FGF13: variants seen among roughly 807,000 people sequenced by gnomAD.
FGF13 encodes fibroblast growth factor homologous factor 2.
Under a neutral mutation model 19.5 loss-of-function variants are expected in FGF13, and 2 were observed. The observed-to-expected ratio is 0.10, with a 90% CI of 0.04 to 0.32. FGF13 has a LOEUF of 0.32. FGF13 is among the 10% of genes least tolerant of loss of function. The pLI is 1.00. For synonymous variants in FGF13, 72 were observed against 76.9 expected, an observed-to-expected ratio of 0.94 and a Z score of 0.33; for missense variants, 113 against 192.7, an observed-to-expected ratio of 0.59 and a Z score of 2.45.
intron 1 of FGF13, among the ~76,000 whole-genome samples, chrX:138,960,880 T>C (rs1022200403): frequency 1.8e-5 from 2 of 111,977 alleles, no homozygotes; most frequent in Middle Eastern, 9.2e-3. Flanking sequence ...AGGTCTTCTC[T>C]ATGCTGTTTA....
chrX:138,851,048 G>A (rs760185955), intron 3 of FGF13, among the ~76,000 whole-genome samples: 38 of 111,556 alleles, frequency 3.4e-4, no homozygotes, highest in African/African-American at 1.2e-3. Context: ...ATCCATCCAT[G>A]TCCCTGCAAA....
At chrX:139,088,216 G>A (rs1313127419) in intron 1 of FGF13, among the ~76,000 whole-genome samples, 1 of 111,925 alleles carries the variant, frequency 8.9e-6, no homozygotes, top group Non-Finnish European at 1.9e-5. Flanking sequence ...CCCAGCCTCT[G>A]GGGGTTTACC....
rs181694950 is a variant in FGF13 at position 138,837,445 on chromosome X, A to G, written c.217+20067T>C. Reference sequence around the variant, plus strand: ...GGGTTGGGGACCCACTTTAAAAAGCAGTCTGACCACATTTTCGTGGGTCTA... The same window carrying G: ...GGGTTGGGGACCCACTTTAAAAAGCGGTCTGACCACATTTTCGTGGGTCTA... On this transcript the variant is annotated intron_variant, in intron 3 of 6. Transcript: ENST00000436198. 6.1e-3 allele frequency among the ~76,000 whole-genome samples: 681 copies of G among 111,894 alleles called. 4 individuals carry two copies. Among genetic ancestry groups the G allele is most frequent in the Admixed American group, 0.027 (291 of 10,606 alleles).
At chrX:139,160,012 T>G (rs1390323913) in intron 1 of FGF13, among the ~76,000 whole-genome samples, 1 of 111,622 alleles carries the variant, frequency 9.0e-6, no homozygotes, top group African/African-American at 3.3e-5. Flanking sequence ...TACAGAACTC[T>G]CCACCCCAAA....
At chrX:139,089,312 G>C (rs748004895) in intron 1 of FGF13, among the ~76,000 whole-genome samples, 1 of 112,013 alleles carries the variant, frequency 8.9e-6, no homozygotes, top group East Asian at 2.8e-4. Flanking sequence ...GAAACTCCTG[G>C]ACTGCATACA....
At chrX:138,806,135 G>A (rs1463191702) in intron 3 of FGF13, among the ~76,000 whole-genome samples, 1 of 111,616 alleles carries the variant, frequency 9.0e-6, no homozygotes, top group Non-Finnish European at 1.9e-5. Flanking sequence ...AGTCATTTTT[G>A]TTGTTAACTT....
At chrX:138,998,217 C>T (rs1425843771) in intron 1 of FGF13, among the ~76,000 whole-genome samples, 2 of 111,601 alleles carry the variant, frequency 1.8e-5, no homozygotes, top group Non-Finnish European at 3.8e-5. Context: ...CAGTACCAGC[C>T]ACTGCAAAAA....
At chrX:139,000,908 G>A (rs1380709669) in intron 1 of FGF13, among the ~76,000 whole-genome samples, 1 of 111,806 alleles carries the variant, frequency 8.9e-6, no homozygotes, top group Non-Finnish European at 1.9e-5. Context: ...CAAAGCTGGA[G>A]GCATCACACT....
chrX:138,704,578 C>G (rs1420701379), intron 2 of FGF13, among the ~76,000 whole-genome samples: 1 of 112,094 alleles, frequency 8.9e-6, no homozygotes, highest in African/African-American at 3.3e-5. Context: ...CATATACATT[C>G]TGCTGCAGTA....
intron 1 of FGF13, among the ~76,000 whole-genome samples, chrX:138,977,890 A>G (rs975408524): frequency 3.6e-5 from 4 of 112,391 alleles, no homozygotes; most frequent in African/African-American, 1.3e-4. Context: ...GCTGGCCAAA[A>G]TGTTAGCCAC....
Position 138,711,534 on chromosome X carries a change from G to C in FGF13, c.-531C>G. The C allele has an allele frequency of 1.3e-6, 1 of 756,230 alleles. No homozygotes were observed. Among genetic ancestry groups the C allele is most frequent in the Non-Finnish European group, 1.6e-6 (1 of 640,158 alleles). 62.3% of individuals were successfully genotyped at this position (756,230 alleles called of 1,213,427 possible). A position where few individuals can be genotyped will look rare whatever the true frequency, so the allele number is the denominator to read the frequency against. The stretch of plus-strand genomic sequence containing the variant: ...AGCGCGCCCTCGCCCTGGCCCCTCC[G>C]AGTCTTCGACTAGTCCTTGCAACTT... On this transcript the variant is annotated 5_prime_UTR_variant, in exon 1 of 5. Transcript: ENST00000315930.
chrX:139,177,139 G>A (rs1050991278), intron 1 of FGF13, among the ~76,000 whole-genome samples: 9 of 108,679 alleles, frequency 8.3e-5, no homozygotes, highest in African/African-American at 3.0e-4. Context: ...TCTTCTTGTT[G>A]TGTTGATCCC....
intron 1 of FGF13, among the ~76,000 whole-genome samples, chrX:138,903,527 T>A (rs143149666): frequency 3.1e-3 from 343 of 111,423 alleles, no homozygotes; most frequent in South Asian, 6.5e-3. Context: ...ATAAGAAGTC[T>A]CCAAACCCCA....
chrX:139,003,227 G>A (rs1208134162), intron 1 of FGF13, among the ~76,000 whole-genome samples: 2 of 110,475 alleles, frequency 1.8e-5, no homozygotes, highest in Non-Finnish European at 3.8e-5. Flanking sequence ...TGAAGCTGCA[G>A]ACCTTCGCGG....
chrX:138,849,566 C>T (rs772072582), intron 3 of FGF13, among the ~76,000 whole-genome samples: 77 of 111,867 alleles, frequency 6.9e-4, no homozygotes, highest in African/African-American at 2.4e-3. Flanking sequence ...CTTCTAATAT[C>T]AGGATTGGGC....
At chrX:139,055,414 T>C (rs1027350558) in intron 1 of FGF13, among the ~76,000 whole-genome samples, 3 of 112,575 alleles carry the variant, frequency 2.7e-5, no homozygotes, top group African/African-American at 9.7e-5. Context: ...TGAATCTACT[T>C]GTTTAAAATT....
At chrX:138,967,416 T>C (rs1445554304) in intron 1 of FGF13, among the ~76,000 whole-genome samples, 1 of 111,629 alleles carries the variant, frequency 9.0e-6, no homozygotes, top group Non-Finnish European at 1.9e-5. Flanking sequence ...AAATTTCTCA[T>C]CTTCTAAAAA....
intron 1 of FGF13, among the ~76,000 whole-genome samples, chrX:139,039,466 G>A (rs904539161): frequency 8.9e-6 from 1 of 111,832 alleles, no homozygotes; most frequent in Admixed American, 9.5e-5. Flanking sequence ...AGAGAAATTC[G>A]TAGGCTTGTT....
At chrX:139,123,031 GA>G (rs950527903) in intron 1 of FGF13, among the ~76,000 whole-genome samples, 1 of 110,909 alleles carries the variant, frequency 9.0e-6, no homozygotes, top group Admixed American at 9.7e-5. Context: ...AATGCCTCCA[GA>G]TATTGCCAAA....
Sources: gnomAD v4.1 joint callset for allele counts (sites outside exome capture counted in the v4.1 genomes callset) on GRCh38, gnomAD v4.1.1 for gene constraint, MANE v1.5 for transcripts, NCBI Gene and HGNC (gene_info 2026-07-23, HGNC 2026-07-21) for gene names.